PIAS2: variants seen among roughly 807,000 people sequenced by gnomAD.
PIAS2 encodes the protein protein inhibitor of activated STAT 2.
Under a neutral mutation model 69.7 loss-of-function variants are expected in PIAS2, and 19 were observed. The ratio of observed to expected loss-of-function variants is 0.27; its 90% confidence interval spans 0.19 to 0.40. PIAS2 has a LOEUF of 0.40. Among genes scored for constraint, PIAS2 ranks in the 10% least tolerant of loss-of-function variants. The pLI, the probability that PIAS2 is intolerant of heterozygous loss-of-function variation, is 1.00. For missense variants in PIAS2, 624 were observed against 757.0 expected (o/e 0.82, Z 2.06); for synonymous variants, 261 against 263.2 (o/e 0.99, Z 0.08).
At position 46,917,339 on chromosome 18, in the gene PIAS2, C is replaced by T; in HGVS notation, c.7G>A (p.Asp3Asn). ...CCGCTTACCCTCAACTCTTCGAAAT[C>T]CGCCATTTTATACCACCCGCGGGCG... MA[D>N]FEELRNMVSS... The change falls in exon 1 of 14, where the codon GAT (aspartate) becomes AAT (asparagine). Residue 3 changes from aspartate to asparagine, a missense_variant. Coordinates refer to ENST00000585916, the MANE Select transcript of PIAS2 (RefSeq NM_004671.5). 2 of 1,475,874 alleles carry T rather than the reference C, an allele frequency of 1.4e-6. No homozygotes were observed. Among genetic ancestry groups the T allele is most frequent in the Non-Finnish European group, 1.8e-6 (2 of 1,109,082 alleles). The allele number at this position is 1,475,874 out of a possible 1,614,324, so 91.4% of individuals were successfully genotyped here.
chr18:46,833,361 A>G (rs552444907), intron 9 of PIAS2, among the ~76,000 whole-genome samples: 3 of 152,216 alleles, frequency 2.0e-5, no homozygotes, highest in Admixed American at 1.3e-4. Context: ...AACAGAAAGC[A>G]TATCAGTGTT....
Position 46,844,057 on chromosome 18 carries a change from G to T in PIAS2, c.1038C>A (p.Cys346Ter). The part of the protein sequence containing the change: ...ATTSLRVSLM[C>*]PLGKMRLTIP... ...AATGTTTTGTTGCTTTACTTACAGG[G>T]CACATCAAGGATACCCGAAGGCTAG... The change falls in exon 8 of 14, where the codon TGC becomes TGA. Residue 346 changes from cysteine (C) to a stop codon, truncating the protein, a stop_gained. Transcript: ENST00000585916. LOFTEE classifies it high-confidence loss of function. 1 of 1,505,876 alleles carries T rather than the reference G, an allele frequency of 6.6e-7. No individual in the cohort carries two copies. Among genetic ancestry groups the T allele is most frequent in the Non-Finnish European group, 8.9e-7 (1 of 1,122,278 alleles). 93.3% of individuals were successfully genotyped at this position (1,505,876 alleles called of 1,614,324 possible).
chr18:46,822,710 C>CA (rs1046873308), intron 11 of PIAS2, among the ~76,000 whole-genome samples: 119 of 152,128 alleles, frequency 7.8e-4, no homozygotes, highest in African/African-American at 2.7e-3. Context: ...AACATGAGAC[C>CA]ACCTCTCACA....
intron 9 of PIAS2, among the ~76,000 whole-genome samples, chr18:46,832,732 G>A (rs1599496725): frequency 6.6e-6 from 1 of 151,100 alleles, no homozygotes; most frequent in African/African-American, 2.4e-5. Flanking sequence ...CTCTACTAAA[G>A]ACACAAAAAA....
intron 3 of PIAS2, among the ~76,000 whole-genome samples, chr18:46,856,479 T>TA (rs2047853670): frequency 6.6e-6 from 1 of 152,166 alleles, no homozygotes; most frequent in Non-Finnish European, 1.5e-5. Context: ...TGTATCCAAT[T>TA]AAAGATACAG....
At chr18:46,919,809 A>G (rs1568965402), upstream of PIAS2, among the ~76,000 whole-genome samples, 1 of 152,188 alleles carries the variant, frequency 6.6e-6, no homozygotes, top group African/African-American at 2.4e-5. Flanking sequence ...TCTCTCCACC[A>G]TTAACTTTGT....
intron 5 of PIAS2, 85 bp downstream of exon 5, chr18:46,855,260 A>G: frequency 1.3e-6 from 1 of 795,046 alleles, no homozygotes; most frequent in Non-Finnish European, 2.1e-6. Flanking sequence ...ACTGGTATTC[A>G]GCTGTCACTG....
At chr18:46,873,505 G>C (rs920783601) in intron 2 of PIAS2, among the ~76,000 whole-genome samples, 3 of 152,214 alleles carry the variant, frequency 2.0e-5, no homozygotes, top group Admixed American at 2.0e-4. Context: ...GAGTCAGGAA[G>C]ATTGCCCAAT....
chr18:46,859,161 G>T (rs2048277806), intron 3 of PIAS2, among the ~76,000 whole-genome samples: 1 of 152,136 alleles, frequency 6.6e-6, no homozygotes, highest in Non-Finnish European at 1.5e-5. Flanking sequence ...AGACGCGGTA[G>T]CTCACGCCCA....
intron 8 of PIAS2, among the ~76,000 whole-genome samples, chr18:46,840,940 A>C (rs903250191): frequency 6.6e-6 from 1 of 152,092 alleles, no homozygotes; most frequent in Non-Finnish European, 1.5e-5. Flanking sequence ...AAAAGGCCCA[A>C]AATGGTGGTT....
chr18:46,833,797 AAC>A (rs1352179065), intron 9 of PIAS2, among the ~76,000 whole-genome samples: 2 of 152,220 alleles, frequency 1.3e-5, no homozygotes, highest in Non-Finnish European at 2.9e-5. Context: ...TTCAGAAGTT[AAC>A]ACTAGTATTT....
At chr18:46,814,588 T>C (rs2041313731) in intron 13 of PIAS2, among the ~76,000 whole-genome samples, 1 of 152,202 alleles carries the variant, frequency 6.6e-6, no homozygotes, top group South Asian at 2.1e-4. Context: ...ATACAGGACT[T>C]GTGCTTAGCT....
At chr18:46,895,771 C>T (rs1207603885) in intron 1 of PIAS2, among the ~76,000 whole-genome samples, 2 of 152,096 alleles carry the variant, frequency 1.3e-5, no homozygotes, top group South Asian at 2.1e-4. Flanking sequence ...CAAGCTAATG[C>T]CATACATAAG....
intron 1 of PIAS2, among the ~76,000 whole-genome samples, chr18:46,903,363 G>A (rs1312728460): frequency 2.6e-5 from 4 of 151,416 alleles, no homozygotes; most frequent in Non-Finnish European, 5.9e-5. Context: ...AACTCAACAG[G>A]AAAAGAAAAA....
Position 46,846,832 on chromosome 18 carries a change from G to A in PIAS2, c.736C>T (p.Pro246Ser). 2 of 1,604,652 alleles carry A rather than the reference G, an allele frequency of 1.2e-6. No homozygotes were observed. Among genetic ancestry groups the A allele is most frequent in the Non-Finnish European group, 1.7e-6 (2 of 1,175,812 alleles). ...TGTTCAATCCCATTTTTAGGCGGTGGTGCATAGCCCTATAACCGTAAGAAA... is the reference window on the plus strand; with the variant it reads ...TGTTCAATCCCATTTTTAGGCGGTGATGCATAGCCCTATAACCGTAAGAAA... Reference protein sequence around the residue: ...GKLFPLPGYAPPPKNGIEQKR... With the variant: ...GKLFPLPGYASPPKNGIEQKR... Residue 246 changes from proline (P) to serine (S), a missense_variant, in exon 6 of 14, where the codon CCA becomes TCA. Pro to Ser is a moderately conservative substitution (Grantham distance 74). Around this residue, in one of 3 missense-constraint regions of PIAS2, gnomAD observed 339 missense variants for 408.8 expected, o/e 0.83. Transcript: ENST00000585916.
intron 2 of PIAS2, among the ~76,000 whole-genome samples, chr18:46,873,411 T>C (rs1830070014): frequency 6.6e-6 from 1 of 152,140 alleles, no homozygotes; most frequent in Non-Finnish European, 1.5e-5. Context: ...AGGACATCTA[T>C]TCATAGATGG....
chr18:46,824,872 G>A (rs2042633067), intron 11 of PIAS2, among the ~76,000 whole-genome samples: 1 of 151,274 alleles, frequency 6.6e-6, no homozygotes, highest in Admixed American at 6.6e-5. Context: ...AATTAGCTGG[G>A]GGTGGTAGTT....
upstream of PIAS2, among the ~76,000 whole-genome samples, chr18:46,919,722 A>G (rs1252587228): frequency 6.6e-6 from 1 of 152,224 alleles, no homozygotes; most frequent in Non-Finnish European, 1.5e-5. Context: ...TGGCTGATAA[A>G]TGCCTAACAA....
chr18:46,832,845 T>C (rs2043862496), intron 9 of PIAS2, among the ~76,000 whole-genome samples: 1 of 141,074 alleles, frequency 7.1e-6, no homozygotes, highest in Non-Finnish European at 1.5e-5. Context: ...TGAGCCAAGA[T>C]GGTGCCATTG....
Sources: allele counts gnomAD v4.1 joint callset (sites outside exome capture counted in the v4.1 genomes callset), GRCh38; gene constraint gnomAD v4.1.1; regional missense constraint gnomAD v4.1.1; transcripts MANE v1.5; gene names NCBI Gene and HGNC (gene_info 2026-07-23, HGNC 2026-07-21).